KIF26B: variants seen among roughly 807,000 people sequenced by gnomAD.
KIF26B encodes kinesin-like protein KIF26B.
Under a neutral mutation model 151.2 loss-of-function variants are expected in KIF26B, and 63 were observed. The observed-to-expected ratio is 0.42, with a 90% CI of 0.34 to 0.51. The LOEUF is 0.51. Among genes scored for constraint, KIF26B ranks in the 20% least tolerant of loss-of-function variants. KIF26B has a pLI of 0.07. For missense variants in KIF26B, 2,813 were observed against 2,913.6 expected, an observed-to-expected ratio of 0.97 and a Z score of 0.79; for synonymous variants, 1,357 against 1,262.1, an observed-to-expected ratio of 1.08 and a Z score of -1.59.
chr1:245,505,142 T>A (rs1660707378), intron 4 of KIF26B, among the ~76,000 whole-genome samples: 1 of 151,900 alleles, frequency 6.6e-6, no homozygotes, highest in Non-Finnish European at 1.5e-5. Context: ...TTCACCATGT[T>A]GGCCAGGCTG....
chr1:245,302,167 G>A lies in KIF26B; in HGVS notation c.466-64667G>A, dbSNP rs116075945. Among the ~76,000 whole-genome samples the A allele has an allele frequency of 4.0e-3, 606 of 152,302 alleles. 6 individuals carry two copies. The highest frequency in any genetic ancestry group is 0.014 in the African/African-American group (580 of 41,560). On this transcript the variant is annotated intron_variant, in intron 2 of 14. Transcript: ENST00000407071. Reference sequence around the variant, plus strand: ...CATCTTTCCCGCATTTCTAATGAATGTGACATCAGTCTATTTGCTGCTTCA... The same window carrying A: ...CATCTTTCCCGCATTTCTAATGAATATGACATCAGTCTATTTGCTGCTTCA...
intron 2 of KIF26B, among the ~76,000 whole-genome samples, chr1:245,195,318 T>C (rs923847394): frequency 5.3e-5 from 8 of 152,156 alleles, no homozygotes; most frequent in Admixed American, 2.6e-4. Context: ...TGGGGAGTCG[T>C]AGTCTTTCTG....
intron 10 of KIF26B, among the ~76,000 whole-genome samples, chr1:245,661,689 C>A (rs2044141816): frequency 1.6e-5 from 2 of 128,808 alleles, no homozygotes; most frequent in African/African-American, 3.0e-5. Context: ...ATATATACAC[C>A]CAATGTTATA....
intron 2 of KIF26B, among the ~76,000 whole-genome samples, chr1:245,191,995 C>G (rs1159388091): frequency 6.6e-6 from 1 of 152,036 alleles, no homozygotes; most frequent in East Asian, 1.9e-4. Flanking sequence ...TGTGATGAAC[C>G]TTAAAATTAT....
intron 8 of KIF26B, among the ~76,000 whole-genome samples, chr1:245,611,333 G>A (rs141915251): frequency 5.7e-4 from 87 of 152,220 alleles, no homozygotes; most frequent in African/African-American, 2.1e-3. Context: ...ACATCTTTGG[G>A]ACACCACTGC....
rs994345627 is a variant in KIF26B, at chr1:245,258,069, C to T, written c.465+101386C>T. On this transcript the variant is annotated intron_variant, in intron 2 of 14. Coordinates refer to ENST00000407071, the MANE Select transcript of KIF26B (RefSeq NM_018012.4). The stretch of plus-strand genomic sequence containing the variant: ...AGCTTCTCGATCTTGTCACATTCTC[C>T]GGTGGTGAGTTGAGAGCAGCCCAGG... Among the ~76,000 whole-genome samples the T allele has an allele frequency of 3.9e-4, 60 of 152,014 alleles. 1 individual carries two copies. Among genetic ancestry groups the T allele is most frequent in the African/African-American group, 1.4e-3 (56 of 41,382 alleles).
intron 3 of KIF26B, among the ~76,000 whole-genome samples, chr1:245,395,262 T>C (rs1402065162): frequency 6.6e-6 from 1 of 152,186 alleles, no homozygotes; most frequent in Non-Finnish European, 1.5e-5. Context: ...CTTTCCAGGA[T>C]GGATATTACT....
intron 4 of KIF26B, among the ~76,000 whole-genome samples, chr1:245,457,163 G>A (rs1659551561): frequency 6.6e-6 from 1 of 152,228 alleles, no homozygotes; most frequent in African/African-American, 2.4e-5. Context: ...ACTGCACCCA[G>A]CCCATAAATG....
chr1:245,214,138 A>G (rs1192697013), intron 2 of KIF26B: 1 of 152,112 alleles, frequency 6.6e-6, no homozygotes. Flanking sequence ...TGAATTTAAC[A>G]CTGCTCATTA....
chr1:245,627,782 A>C (rs2043740614), intron 9 of KIF26B, among the ~76,000 whole-genome samples: 1 of 152,198 alleles, frequency 6.6e-6, no homozygotes, highest in Non-Finnish European at 1.5e-5. Flanking sequence ...GACACAATAG[A>C]AAATGATAAA....
chr1:245,172,210 G>T (rs1223600791), intron 2 of KIF26B, among the ~76,000 whole-genome samples: 1 of 150,748 alleles, frequency 6.6e-6, no homozygotes, highest in African/African-American at 2.5e-5. Context: ...GTCCCTCCCA[G>T]TCTGGTGGGG....
intron 2 of KIF26B, among the ~76,000 whole-genome samples, chr1:245,215,265 G>A (rs565593564): frequency 2.0e-5 from 3 of 152,258 alleles, no homozygotes; most frequent in Admixed American, 2.0e-4. Context: ...CGGCTCCTTG[G>A]TGACCAGCCA....
chr1:245,655,548 C>G (rs529508481), intron 10 of KIF26B, among the ~76,000 whole-genome samples: 1 of 152,298 alleles, frequency 6.6e-6, no homozygotes, highest in South Asian at 2.1e-4. Context: ...TCTACAGGCT[C>G]TGCACGAAAG....
At chr1:245,559,896 A>G (rs548289673) in intron 5 of KIF26B, among the ~76,000 whole-genome samples, 1 of 149,568 alleles carries the variant, frequency 6.7e-6, no homozygotes, top group African/African-American at 2.5e-5. Flanking sequence ...TTTTTTTTCC[A>G]ATCAGTATTT....
chr1:245,698,377 AG>A lies in KIF26B; in HGVS notation c.6027+71del, dbSNP rs1327036385. ...TCCCCACCAAGCCTGAGCAGGTGCT[AG>A]GCAGGGCCCTGGGGAAGAAAACTCA... On this transcript the variant is annotated intron_variant, in intron 13 of 14. Coordinates refer to ENST00000407071, the MANE Select transcript of KIF26B (RefSeq NM_018012.4). The surrounding 1 kb of genome is among the most constrained non-coding windows in gnomAD (Gnocchi z 4.0). The A allele has an allele frequency of 1.7e-5, 25 of 1,429,692 alleles. No homozygotes were observed. The highest frequency in any genetic ancestry group is 2.4e-5 in the Non-Finnish European group (25 of 1,038,936). The allele number at this position is 1,429,692 out of a possible 1,614,324, so 88.6% of individuals were successfully genotyped here.
intron 2 of KIF26B, among the ~76,000 whole-genome samples, chr1:245,354,875 C>T (rs372400078): frequency 6.6e-6 from 1 of 152,200 alleles, no homozygotes; most frequent in South Asian, 2.1e-4. Context: ...GGGTGTCAAC[C>T]TTGACCCCAC....
chr1:245,498,192 G>A (rs752629373), intron 4 of KIF26B, among the ~76,000 whole-genome samples: 8 of 152,166 alleles, frequency 5.3e-5, no homozygotes, highest in Non-Finnish European at 1.0e-4. Flanking sequence ...AGTGAGATGA[G>A]AGCCTGGGCT....
At position 245,707,201 on chromosome 1, in the gene KIF26B, C is replaced by T. The variant is rs778604180; in HGVS notation, c.*4595C>T. 6.6e-6 allele frequency: 1 copy of T among 152,170 alleles called. No individual in the cohort carries two copies. The highest frequency in any genetic ancestry group is 1.5e-5 in the Non-Finnish European group (1 of 68,024). The allele number at this position is 152,170 out of a possible 1,614,324, so 9.4% of individuals were successfully genotyped here. On this transcript the variant is annotated 3_prime_UTR_variant, in exon 15 of 15. Transcript: ENST00000407071. ...TGCTTTTGGGTGGCCCTACCCAGAA[C>T]CTGCAGCAATGTCATAACACTGGAC...
chr1:245,663,376 T>C (rs10754467), intron 10 of KIF26B, among the ~76,000 whole-genome samples: 102,760 of 151,540 alleles, frequency 0.68, 34,988 homozygotes, highest in East Asian at 0.82. Flanking sequence ...GCAGAAATTT[T>C]GTCATTTGTG....
Sources: gnomAD v4.1 joint callset for allele counts (sites outside exome capture counted in the v4.1 genomes callset) on GRCh38, gnomAD v4.1.1 for gene constraint, Gnocchi (gnomAD v3.1) non-coding constraint, MANE v1.5 for transcripts, NCBI Gene and HGNC (gene_info 2026-07-23, HGNC 2026-07-21) for gene names.